Variants in C17orf67 observed in about 807,000 individuals in gnomAD.
C17orf67 encodes the protein chromosome 17 open reading frame 67.
C17orf67 carries 12 observed loss-of-function variants against 11.2 expected under a neutral mutation model. The ratio of observed to expected loss-of-function variants is 1.07; its 90% CI spans 0.68 to 1.73. C17orf67 has a LOEUF of 1.73. Ranked by LOEUF, C17orf67 falls within the 40% of genes most tolerant of loss-of-function variation. The pLI is 0.00. For missense variants in C17orf67, 115 were observed against 113.5 expected, an observed-to-expected ratio of 1.01 and a Z score of -0.06; for synonymous variants, 59 against 46.9, an observed-to-expected ratio of 1.26 and a Z score of -1.05.
At chr17:56,809,551 C>CA (rs1905539347) in intron 6 of C17orf67, among the ~76,000 whole-genome samples, 1 of 145,622 alleles carries the variant, frequency 6.9e-6, no homozygotes, top group African/African-American at 2.6e-5. Flanking sequence ...CTCACACACA[C>CA]CCTCACACAT....
At chr17:56,797,916 A>C (rs1021150675) in intron 6 of C17orf67, among the ~76,000 whole-genome samples, 1 of 152,198 alleles carries the variant, frequency 6.6e-6, no homozygotes, top group Non-Finnish European at 1.5e-5. Context: ...AAAAATGATA[A>C]AACAACAGGA....
At chr17:56,828,559 T>C (rs79876693) in intron 2 of C17orf67, among the ~76,000 whole-genome samples, 9,932 of 152,244 alleles carry the variant, frequency 0.065, 400 homozygotes, top group Non-Finnish European at 0.071. Flanking sequence ...CTGTCACACA[T>C]ACAGAAGAGT....
At chr17:56,831,038 A>G (rs1382099315) in intron 2 of C17orf67, among the ~76,000 whole-genome samples, 1 of 152,218 alleles carries the variant, frequency 6.6e-6, no homozygotes, top group Non-Finnish European at 1.5e-5. Flanking sequence ...AGTGAAGGGT[A>G]CCAGGGGTCT....
intron 2 of C17orf67, among the ~76,000 whole-genome samples, chr17:56,831,001 A>T (rs1287452873): frequency 6.6e-6 from 1 of 152,258 alleles, no homozygotes; most frequent in Non-Finnish European, 1.5e-5. Flanking sequence ...GCCTGAACTC[A>T]GTGAACGATG....
chr17:56,793,542 A>C (rs1031573185), intron 7 of C17orf67, among the ~76,000 whole-genome samples: 5 of 152,230 alleles, frequency 3.3e-5, no homozygotes, highest in Admixed American at 6.5e-5. Flanking sequence ...AACAGTAATA[A>C]GTGCTTTTAT....
intron 6 of C17orf67, among the ~76,000 whole-genome samples, chr17:56,811,313 G>A (rs1416149202): frequency 2.6e-5 from 4 of 152,202 alleles, no homozygotes; most frequent in Non-Finnish European, 4.4e-5. Context: ...ACTAGTTAGC[G>A]GCAGAATATG....
chr17:56,819,159 ACCACTCC>A (rs1905837273), intron 4 of C17orf67, among the ~76,000 whole-genome samples: 1 of 151,500 alleles, frequency 6.6e-6, no homozygotes, highest in Admixed American at 6.6e-5. Context: ...CCTTACTCCA[ACCACTCC>A]CCTCCTGCTC....
Position 56,795,093 on chromosome 17 carries a change from A to G in C17orf67, c.244T>C (p.Cys82Arg), listed in dbSNP as rs1351157880. The change falls in exon 7 of 8, where the codon TGT becomes CGT. Residue 82 changes from cysteine (C) to arginine (R), a missense_variant. Coordinates refer to ENST00000397861, the MANE Select transcript of C17orf67 (RefSeq NM_001085430.4). ...HWLNPHCKPH[C>R]DRNRIHPV ...ACAGGATGAATCCTGTTCCTGTCAC[A>G]GTGGGGTTTGCAGTGAGGGTTCAGC... 2 of 1,613,960 alleles carry G rather than the reference A, an allele frequency of 1.2e-6. No individual in the cohort carries two copies. The highest frequency in any genetic ancestry group is 1.3e-5 in the African/African-American group (1 of 74,926).
chr17:56,814,971 T>C lies in C17orf67; in HGVS notation c.56-2A>G. On this transcript the variant is annotated splice_acceptor_variant, in intron 5 of 7. Coordinates refer to ENST00000397861, the MANE Select transcript of C17orf67 (RefSeq NM_001085430.4). LOFTEE classifies it high-confidence loss of function. The stretch of plus-strand genomic sequence containing the variant: ...TCTCTGTCAAAATCGGGGAGGTCTC[T>C]GGAAAAGTCGGGAAGGTGCCTTAAG... 1 of 1,613,768 alleles carries C rather than the reference T, an allele frequency of 6.2e-7. No homozygotes were observed.
At chr17:56,796,733 C>A (rs920875251) in intron 6 of C17orf67, among the ~76,000 whole-genome samples, 1 of 152,108 alleles carries the variant, frequency 6.6e-6, no homozygotes, top group African/African-American at 2.4e-5. Flanking sequence ...TAGGTCAGGT[C>A]TTCACCATTG....
At chr17:56,814,301 G>A (rs1350470525) in intron 6 of C17orf67, among the ~76,000 whole-genome samples, 2 of 152,166 alleles carry the variant, frequency 1.3e-5, no homozygotes, top group African/African-American at 4.8e-5. Flanking sequence ...AATTGGGTCC[G>A]GGGCCAGCAT....
chr17:56,821,407 C>T (rs1382319857), intron 4 of C17orf67, among the ~76,000 whole-genome samples: 2 of 152,078 alleles, frequency 1.3e-5, no homozygotes, highest in Non-Finnish European at 2.9e-5. Flanking sequence ...GACTAGACTA[C>T]AGTATTTTTT....
chr17:56,814,992 T>C (rs760219501), intron 5 of C17orf67, 23 bp from the exon 6 acceptor site: 2 of 1,590,608 alleles, frequency 1.3e-6, no homozygotes, highest in East Asian at 4.5e-5. Flanking sequence ...GGAAGGTGCC[T>C]TAAGGACACT....
Position 56,795,104 on chromosome 17 carries a change from C to T in C17orf67, c.233G>A (p.Cys78Tyr), listed in dbSNP as rs769744699. 5.0e-6 allele frequency: 8 copies of T among 1,614,096 alleles called. No homozygotes were observed. In the South Asian group the frequency reaches 7.7e-5, roughly 16 times the overall value. ...QFLEHWLNPH[C>Y]KPHCDRNRIH... ...CCTGTTCCTGTCACAGTGGGGTTTG[C>T]AGTGAGGGTTCAGCCAGTGCTCCAG... is the stretch of plus-strand genomic sequence containing the variant. Residue 78 changes from cysteine (C) to tyrosine (Y), a missense_variant, in exon 7 of 8, where the codon TGC (cysteine) becomes TAC (tyrosine). Physicochemically the swap from Cys to Tyr is radical, Grantham distance 194 (BLOSUM62 -2). Coordinates refer to ENST00000397861, the MANE Select transcript of C17orf67 (RefSeq NM_001085430.4).
chr17:56,801,896 G>T (rs72837348), intron 6 of C17orf67, among the ~76,000 whole-genome samples: 18,108 of 152,226 alleles, frequency 0.12, 1,171 homozygotes, highest in South Asian at 0.16. Flanking sequence ...CCTGCTGCCT[G>T]CTTCTTGCTG....
chr17:56,815,655 T>A, intron 5 of C17orf67, 101 bp downstream of exon 5: 1 of 946,374 alleles, frequency 1.1e-6, no homozygotes, highest in South Asian at 3.8e-5. Flanking sequence ...GAAATATCTA[T>A]ATACACTATA....
chr17:56,807,903 T>A lies in C17orf67; in HGVS notation c.156+6966A>T, dbSNP rs533411301. Among the ~76,000 whole-genome samples the A allele has an allele frequency of 8.3e-5, 12 of 144,512 alleles. No homozygotes were observed. The South Asian group carries it at 1.1e-3, about 13-fold the overall frequency. 94.8% of individuals were successfully genotyped at this position (144,512 alleles called of 152,430 possible). ...AGACCCTGTCTCAAAAATAAATAAA[T>A]AATAAATAAATAAATAAATAAATAA... On this transcript the variant is annotated intron_variant, in intron 6 of 7. Transcript: ENST00000397861.
intron 6 of C17orf67, among the ~76,000 whole-genome samples, chr17:56,810,992 A>C (rs553828188): frequency 8.8e-4 from 134 of 152,312 alleles, no homozygotes; most frequent in Non-Finnish European, 1.8e-3. Flanking sequence ...GAGGATGTGG[A>C]GTACTCCCAG....
At chr17:56,794,928 T>A in intron 7 of C17orf67, 116 bp downstream of exon 7, 2 of 639,872 alleles carry the variant, frequency 3.1e-6, no homozygotes, top group African/African-American at 1.8e-5. Flanking sequence ...TCCAAACCCA[T>A]AACCAGCTAA....
Sources: allele counts gnomAD v4.1 joint callset (sites outside exome capture counted in the v4.1 genomes callset), GRCh38; gene constraint gnomAD v4.1.1; transcripts MANE v1.5; gene names NCBI Gene and HGNC (gene_info 2026-07-23, HGNC 2026-07-21).